Variants in DISC1 observed in about 807,000 individuals in gnomAD.
DISC1 encodes the protein disrupted in schizophrenia 1 protein.
Under a neutral mutation model 84.5 loss-of-function variants are expected in DISC1, and 57 were observed. The observed-to-expected ratio is 0.67, with a 90% CI of 0.55 to 0.84. The LOEUF is 0.84. Ranked by LOEUF, DISC1 falls within the 40% of genes least tolerant of loss-of-function variation. The probability of loss-of-function intolerance (pLI) is 0.00; values close to 1 mark genes in which losing one functional copy is unlikely to be tolerated. For synonymous variants in DISC1, 411 were observed against 415.2 expected, an observed-to-expected ratio of 0.99 and a Z score of 0.12; for missense variants, 1,000 against 1,057.8, an observed-to-expected ratio of 0.95 and a Z score of 0.76.
chr1:232,016,180 GCA>G (rs1668476496), intron 11 of DISC1, among the ~76,000 whole-genome samples: 1 of 152,192 alleles, frequency 6.6e-6, no homozygotes, highest in Admixed American at 6.5e-5. Context: ...CTTAATAGTT[GCA>G]CAGTTTACAG....
chr1:231,700,015 T>A (rs2066208649), intron 2 of DISC1, among the ~76,000 whole-genome samples: 1 of 152,234 alleles, frequency 6.6e-6, no homozygotes, highest in Non-Finnish European at 1.5e-5. Context: ...GACAGCCTCG[T>A]GGTTCACTCC....
intron 1 of DISC1, among the ~76,000 whole-genome samples, chr1:231,688,620 G>T (rs2064610512): frequency 6.6e-6 from 1 of 150,656 alleles, no homozygotes; most frequent in Admixed American, 6.6e-5. Flanking sequence ...AGCTAACCAG[G>T]TTCCTCCATT....
intron 11 of DISC1, among the ~76,000 whole-genome samples, chr1:232,019,403 A>G (rs1445504273): frequency 1.3e-5 from 2 of 152,214 alleles, no homozygotes; most frequent in African/African-American, 4.8e-5. Context: ...GACAAGACAA[A>G]TTACTGGAGA....
intron 10 of DISC1, among the ~76,000 whole-genome samples, chr1:231,976,788 A>G (rs561437121): frequency 1.3e-5 from 2 of 152,366 alleles, no homozygotes; most frequent in Non-Finnish European, 2.9e-5. Context: ...GAGGATTGCA[A>G]TGATCATGGT....
chr1:231,738,290 A>C (rs1178345422), intron 3 of DISC1, among the ~76,000 whole-genome samples: 5 of 152,162 alleles, frequency 3.3e-5, no homozygotes, highest in Non-Finnish European at 7.3e-5. Flanking sequence ...TTCACCAAGC[A>C]TCCCAGTGAT....
At chr1:231,723,268 G>C (rs2070125676) in intron 3 of DISC1, 1 of 979,320 alleles carries the variant, frequency 1.0e-6, no homozygotes, top group African/African-American at 1.8e-5. Context: ...CTGCCTATGA[G>C]TAGACTCACA....
At chr1:231,805,865 CAG>C (rs1215717655) in intron 8 of DISC1, among the ~76,000 whole-genome samples, 1 of 152,156 alleles carries the variant, frequency 6.6e-6, no homozygotes, top group Non-Finnish European at 1.5e-5. Context: ...CTCACCAGGG[CAG>C]AGAGATTTCT....
intron 9 of DISC1, among the ~76,000 whole-genome samples, chr1:231,938,454 A>G (rs78740824): frequency 0.05 from 7,583 of 152,260 alleles, 280 homozygotes; most frequent in Admixed American, 0.11. Flanking sequence ...CTGACAGCAC[A>G]CAAGAAGAGG....
At chr1:231,868,692 TTATA>T (rs58636016) in intron 9 of DISC1, among the ~76,000 whole-genome samples, 1,100 of 108,552 alleles carry the variant, frequency 0.01, 10 homozygotes, top group African/African-American at 0.023. Context: ...ACCCCATCTC[TTATA>T]TATATATATA....
At chr1:231,921,591 A>C (rs1488889808) in intron 9 of DISC1, among the ~76,000 whole-genome samples, 1 of 152,132 alleles carries the variant, frequency 6.6e-6, no homozygotes, top group Non-Finnish European at 1.5e-5. Context: ...AGTCAACTTA[A>C]AGAAACAAGT....
At chr1:231,923,510 G>A (rs1052273311) in intron 9 of DISC1, among the ~76,000 whole-genome samples, 3 of 152,048 alleles carry the variant, frequency 2.0e-5, no homozygotes, top group African/African-American at 7.2e-5. Context: ...TTTTTATTCT[G>A]CAACATTTTG....
intron 9 of DISC1, among the ~76,000 whole-genome samples, chr1:231,884,338 A>T (rs1268174994): frequency 2.0e-5 from 3 of 152,210 alleles, no homozygotes; most frequent in African/African-American, 7.2e-5. Context: ...ATAAGCGAGA[A>T]CGTGCAGTAT....
intron 12 of DISC1, among the ~76,000 whole-genome samples, chr1:232,034,755 A>G (rs1670359901): frequency 6.6e-6 from 1 of 152,176 alleles, no homozygotes; most frequent in Non-Finnish European, 1.5e-5. Context: ...CCTGCTCTTC[A>G]CAGATGTGGC....
chr1:231,978,394 T>G (rs968554048), intron 10 of DISC1, among the ~76,000 whole-genome samples: 3 of 152,210 alleles, frequency 2.0e-5, no homozygotes, highest in Admixed American at 2.0e-4. Context: ...TCATTCAGTT[T>G]TCATTTTTAG....
Position 232,040,015 on chromosome 1 carries a change from G to A in DISC1, c.*3184G>A, listed in dbSNP as rs1399099373. The stretch of plus-strand genomic sequence containing the variant: ...ATTTCATTTTTTTTTTTGAGATGGA[G>A]TCTCTCTCTGTCACCCAAGTTGGAG... On this transcript the variant is annotated 3_prime_UTR_variant, in exon 13 of 13. Transcript: ENST00000439617. 4 of 151,168 alleles carry A rather than the reference G, an allele frequency of 2.6e-5. No homozygotes were observed. Among genetic ancestry groups the A allele is most frequent in the Admixed American group, 1.3e-4 (2 of 15,130 alleles). 9.4% of individuals were successfully genotyped at this position (151,168 alleles called of 1,614,324 possible).
intron 1 of DISC1, among the ~76,000 whole-genome samples, chr1:231,642,246 G>A (rs1227721718): frequency 1.3e-5 from 2 of 152,186 alleles, no homozygotes; most frequent in Admixed American, 6.5e-5. Flanking sequence ...GCGCTGGCCC[G>A]CAAGCACCGC....
rs563643380 is a variant in DISC1, at chr1:231,987,876, G to A, written c.2043-20909G>A. 2.0e-5 allele frequency among the ~76,000 whole-genome samples: 3 copies of A among 152,236 alleles called. No homozygotes were observed. The East Asian group carries it at 5.8e-4, about 29-fold the overall frequency. On this transcript the variant is annotated intron_variant, in intron 10 of 12. Coordinates refer to ENST00000439617, the MANE Select transcript of DISC1 (RefSeq NM_018662.3). ...CATGTGACTTGGCAATCCAGAAGCT[G>A]TCAATTTTAGTTTATAAGAACCTCA...
chr1:231,993,422 C>G (rs1245990463), intron 10 of DISC1, among the ~76,000 whole-genome samples: 1 of 151,556 alleles, frequency 6.6e-6, no homozygotes, highest in Admixed American at 6.6e-5. Flanking sequence ...AAAGGCCCAT[C>G]ACTAATTGTA....
intron 6 of DISC1, among the ~76,000 whole-genome samples, chr1:231,782,221 T>A (rs986266683): frequency 6.6e-6 from 1 of 152,392 alleles, no homozygotes; most frequent in East Asian, 1.9e-4. Context: ...GGATTCTTTA[T>A]GCAATTTCTC....
Sources: allele counts gnomAD v4.1 joint callset (sites outside exome capture counted in the v4.1 genomes callset), GRCh38; gene constraint gnomAD v4.1.1; transcripts MANE v1.5; gene names NCBI Gene and HGNC (gene_info 2026-07-23, HGNC 2026-07-21).